The following SOX6 variants were observed in gnomAD, a reference collection of about 807,000 sequenced individuals.
SOX6 encodes the protein transcription factor SOX-6.
SOX6 carries 11 observed loss-of-function variants against 97.8 expected under a neutral mutation model. The ratio of observed to expected loss-of-function variants is 0.11; its 90% CI spans 0.07 to 0.19. The LOEUF is 0.19. SOX6 is among the 10% of genes least tolerant of loss of function. SOX6 has a pLI of 1.00. For missense variants in SOX6, 810 were observed against 1,039.5 expected (o/e 0.78, Z 3.04); for synonymous variants, 360 against 371.4 (o/e 0.97, Z 0.35).
At chr11:16,497,647 G>A (rs1035731429) in intron 4 of SOX6, among the ~76,000 whole-genome samples, 14 of 152,142 alleles carry the variant, frequency 9.2e-5, no homozygotes, top group African/African-American at 1.9e-4. Flanking sequence ...TGAAAACCAC[G>A]GCATGAGAAC....
chr11:16,697,694 T>G (rs1392470025), intron 3 of SOX6, among the ~76,000 whole-genome samples: 6 of 152,250 alleles, frequency 3.9e-5, no homozygotes, highest in African/African-American at 1.4e-4. Context: ...TTATGAAATG[T>G]ATTTCTGAAA....
chr11:16,307,300 T>C (rs1170838981), intron 3 of SOX6, among the ~76,000 whole-genome samples: 1 of 152,214 alleles, frequency 6.6e-6, no homozygotes, highest in Non-Finnish European at 1.5e-5. Flanking sequence ...TAATTCTAAA[T>C]GACTAAAGTT....
chr11:16,548,488 C>G (rs557699953), intron 4 of SOX6, among the ~76,000 whole-genome samples: 3 of 151,992 alleles, frequency 2.0e-5, no homozygotes, highest in Non-Finnish European at 4.4e-5. Context: ...GGGCCATAGA[C>G]CTAAATATAG....
At chr11:16,670,888 G>A (rs1376084043) in intron 3 of SOX6, among the ~76,000 whole-genome samples, 1 of 106,042 alleles carries the variant, frequency 9.4e-6, no homozygotes, top group Non-Finnish European at 2.3e-5. Context: ...ATGGGAAGAG[G>A]AGTCCCCATC....
chr11:16,212,286 ATTT>A (rs1203902440), intron 4 of SOX6, among the ~76,000 whole-genome samples: 1 of 152,054 alleles, frequency 6.6e-6, no homozygotes, highest in African/African-American at 2.4e-5. Context: ...GCTTGCTTTT[ATTT>A]TTTTAACATT....
intron 7 of SOX6, among the ~76,000 whole-genome samples, chr11:16,104,503 G>C (rs999512633): frequency 1.3e-5 from 2 of 151,820 alleles, no homozygotes; most frequent in African/African-American, 4.8e-5. Flanking sequence ...TTGAGTATCA[G>C]TTTCTTATTT....
At chr11:16,500,232 C>A (rs1045325736) in intron 4 of SOX6, among the ~76,000 whole-genome samples, 1 of 152,144 alleles carries the variant, frequency 6.6e-6, no homozygotes, top group African/African-American at 2.4e-5. Flanking sequence ...TCAATAGATG[C>A]AGAAAAGGCC....
chr11:16,140,707 A>G (rs974925934), intron 6 of SOX6, among the ~76,000 whole-genome samples: 3 of 152,234 alleles, frequency 2.0e-5, no homozygotes, highest in Non-Finnish European at 4.4e-5. Context: ...AGGGTAAAAT[A>G]CCAGCAAAGA....
chr11:16,339,588 A>G (rs1856564149), intron 2 of SOX6, among the ~76,000 whole-genome samples: 1 of 151,948 alleles, frequency 6.6e-6, no homozygotes, highest in Non-Finnish European at 1.5e-5. Flanking sequence ...CTCCTCACAC[A>G]TAGCAAACAT....
At chr11:16,316,633 T>C (rs1474152517) in intron 3 of SOX6, 1 of 152,106 alleles carries the variant, frequency 6.6e-6, no homozygotes, top group Non-Finnish European at 1.5e-5. Context: ...TAAAATTCCC[T>C]AGTAGTTCAG....
intron 12 of SOX6, among the ~76,000 whole-genome samples, chr11:16,040,486 C>T (rs1855632672): frequency 6.6e-6 from 1 of 151,998 alleles, no homozygotes; most frequent in East Asian, 1.9e-4. Flanking sequence ...ATAAAACTTA[C>T]CTTGCTTTTC....
At position 16,352,843 on chromosome 11, in the gene SOX6, C is replaced by A. The variant is rs566778664; in HGVS notation, c.-5+3251G>T. The stretch of plus-strand genomic sequence containing the variant: ...AACAACTTTAAAAAAGAGAGAGAAA[C>A]ATAGAGCAGGTAATTCTCTAACCAA... On this transcript the variant is annotated intron_variant, in intron 1 of 15. Transcript: ENST00000683767. Among the ~76,000 whole-genome samples, 9 of 152,032 alleles carry A rather than the reference C, an allele frequency of 5.9e-5. No individual in the cohort carries two copies. The East Asian group carries it at 1.7e-3, about 29-fold the overall frequency.
At chr11:16,118,115 GT>G (rs1448673278) in intron 6 of SOX6, among the ~76,000 whole-genome samples, 2 of 152,138 alleles carry the variant, frequency 1.3e-5, no homozygotes, top group African/African-American at 2.4e-5. Flanking sequence ...TGAAAACTGT[GT>G]TATTTTTATT....
intron 1 of SOX6, among the ~76,000 whole-genome samples, chr11:16,398,795 T>C (rs1858445561): frequency 7.3e-6 from 1 of 137,468 alleles, no homozygotes; most frequent in Admixed American, 7.8e-5. Context: ...ATAACCAGAA[T>C]TAAGGAAAAG....
chr11:16,065,529 C>G (rs1192060887), intron 9 of SOX6, among the ~76,000 whole-genome samples: 3 of 151,782 alleles, frequency 2.0e-5, no homozygotes, highest in Non-Finnish European at 2.9e-5. Context: ...TTATAGTAAC[C>G]AAAACAGCAT....
At chr11:16,325,578 C>T (rs1856061767) in intron 2 of SOX6, among the ~76,000 whole-genome samples, 2 of 151,990 alleles carry the variant, frequency 1.3e-5, no homozygotes, top group African/African-American at 4.8e-5. Context: ...TCGAGAGAGT[C>T]AGTATATTAT....
At position 16,227,163 on chromosome 11, in the gene SOX6, T is replaced by C. The variant is rs1366127885; in HGVS notation, c.535+7419A>G. Among the ~76,000 whole-genome samples the C allele has an allele frequency of 5.9e-5, 9 of 152,316 alleles. No individual in the cohort carries two copies. The East Asian group carries it at 1.7e-3, about 29-fold the overall frequency. On this transcript the variant is annotated intron_variant, in intron 4 of 15. Transcript: ENST00000683767. ...GATGTTTACTTTGTAAACAATAAGA[T>C]GTCTTACAAAAGTTACTTACCAAAT...
intron 1 of SOX6, among the ~76,000 whole-genome samples, chr11:16,418,411 G>A (rs1167015010): frequency 1.3e-5 from 2 of 152,028 alleles, no homozygotes; most frequent in Admixed American, 6.6e-5. Flanking sequence ...ACATGGGACT[G>A]GTACTCAGAC....
At chr11:16,494,418 AG>A (rs1208086908) in intron 4 of SOX6, among the ~76,000 whole-genome samples, 6 of 152,164 alleles carry the variant, frequency 3.9e-5, no homozygotes, top group African/African-American at 1.4e-4. Flanking sequence ...TGAATGAGAA[AG>A]GCTACACATC....
Sources: gnomAD v4.1 joint callset for allele counts (sites outside exome capture counted in the v4.1 genomes callset) on GRCh38, gnomAD v4.1.1 for gene constraint, MANE v1.5 for transcripts, NCBI Gene and HGNC (gene_info 2026-07-23, HGNC 2026-07-21) for gene names.